The following AKAP7 variants were observed in gnomAD, a reference collection of about 807,000 sequenced individuals.
The protein encoded by AKAP7 is A kinase (PRKA) anchor protein 7.
In AKAP7, 39 loss-of-function variants were observed where a neutral mutation model predicts 39.5. That is an observed-to-expected ratio of 0.99 (90% CI 0.76 to 1.29). The LOEUF is 1.29. Among genes scored for constraint, AKAP7 ranks in the 50% most tolerant of loss-of-function variants. The pLI is 0.00. For missense variants in AKAP7, 414 were observed against 407.7 expected (o/e 1.02, Z -0.13); for synonymous variants, 140 against 139.1 (o/e 1.01, Z -0.05).
chr6:131,273,333 A>G (rs563688039), intron 7 of AKAP7, among the ~76,000 whole-genome samples: 8 of 152,218 alleles, frequency 5.3e-5, no homozygotes, highest in East Asian at 3.9e-4. Flanking sequence ...ACAATTATCA[A>G]TATGGGTGAG....
intron 5 of AKAP7, among the ~76,000 whole-genome samples, chr6:131,190,024 G>A (rs897332923): frequency 5.9e-5 from 9 of 152,146 alleles, no homozygotes; most frequent in African/African-American, 1.7e-4. Context: ...TGACATGTAG[G>A]TTTCATATTA....
intron 7 of AKAP7, among the ~76,000 whole-genome samples, chr6:131,237,919 G>A (rs1811210086): frequency 6.6e-6 from 1 of 152,044 alleles, no homozygotes; most frequent in Admixed American, 6.6e-5. Flanking sequence ...GTTCTGCTCT[G>A]ATCTTAGTTA....
intron 5 of AKAP7, chr6:131,184,400 T>G: frequency 1.5e-6 from 1 of 662,860 alleles, no homozygotes; most frequent in East Asian, 3.5e-5. Flanking sequence ...ACCTCCAACT[T>G]CCTTCAGGGG....
At chr6:131,164,878 C>T (rs1236765736) in intron 3 of AKAP7, among the ~76,000 whole-genome samples, 1 of 152,202 alleles carries the variant, frequency 6.6e-6, no homozygotes, top group African/African-American at 2.4e-5. Flanking sequence ...TGCTTTAAAA[C>T]TTACACATCC....
chr6:131,172,976 C>T (rs888597645), intron 5 of AKAP7, among the ~76,000 whole-genome samples: 4 of 151,908 alleles, frequency 2.6e-5, no homozygotes, highest in African/African-American at 4.8e-5. Context: ...GTGGGCAGAT[C>T]GTGAGGTCAG....
At chr6:131,225,337 C>T (rs1810071093) in intron 7 of AKAP7, among the ~76,000 whole-genome samples, 1 of 152,110 alleles carries the variant, frequency 6.6e-6, no homozygotes, top group Non-Finnish European at 1.5e-5. Context: ...CCTGGTCCCA[C>T]AGGGTACATT....
chr6:131,252,223 T>C (rs2128319990), intron 7 of AKAP7, among the ~76,000 whole-genome samples: 1 of 152,362 alleles, frequency 6.6e-6, no homozygotes, highest in Middle Eastern at 3.4e-3. Context: ...TAATATGTAC[T>C]GCTTTTGGGG....
chr6:131,186,162 T>A (rs1047483972), intron 5 of AKAP7, among the ~76,000 whole-genome samples: 1 of 152,176 alleles, frequency 6.6e-6, no homozygotes, highest in Non-Finnish European at 1.5e-5. Context: ...GGGAGGTGAT[T>A]GGATCATCAT....
At chr6:131,260,449 G>C (rs1013533478) in intron 7 of AKAP7, among the ~76,000 whole-genome samples, 1 of 151,914 alleles carries the variant, frequency 6.6e-6, no homozygotes, top group African/African-American at 2.4e-5. Flanking sequence ...TGTTTCTCCA[G>C]CCTCGCCAGC....
At chr6:131,185,066 G>T in intron 5 of AKAP7, 2 of 706,558 alleles carry the variant, frequency 2.8e-6, no homozygotes, top group Admixed American at 1.8e-5. Context: ...ACTTGCCCAG[G>T]CTGTCATCAT....
rs938120110 is a variant in AKAP7 at position 131,196,702 on chromosome 6, C to T, written c.590-2759C>T. 4.6e-5 allele frequency among the ~76,000 whole-genome samples: 7 copies of T among 152,100 alleles called. 1 individual carries two copies. The East Asian group carries it at 1.4e-3, about 29-fold the overall frequency. On this transcript the variant is annotated intron_variant, in intron 5 of 7. Transcript: ENST00000431975. ...TAGAATTGGCTTAATAGTATTAGCC[C>T]TACCTGTTTTTGGATAAAAAGACCA...
chr6:131,276,926 C>T (rs1321084702), intron 7 of AKAP7, among the ~76,000 whole-genome samples: 1 of 152,094 alleles, frequency 6.6e-6, no homozygotes, highest in Non-Finnish European at 1.5e-5. Flanking sequence ...GGTCAACTCA[C>T]ACTTAAGACC....
At chr6:131,226,000 C>T (rs1170168762) in intron 7 of AKAP7, among the ~76,000 whole-genome samples, 1 of 152,172 alleles carries the variant, frequency 6.6e-6, no homozygotes, top group East Asian at 1.9e-4. Flanking sequence ...TATATTAAAT[C>T]TGGATTTCCA....
Position 131,165,229 on chromosome 6 carries a change from A to G in AKAP7, c.428+12A>G. ...GATGAAGTAAACATGTGAGTAATGTATCTTTCTTAAATATAATTTTCCAAA... is the reference window on the plus strand; with the variant it reads ...GATGAAGTAAACATGTGAGTAATGTGTCTTTCTTAAATATAATTTTCCAAA... On this transcript the variant is annotated intron_variant, in intron 4 of 7. Transcript: ENST00000431975. 3.2e-6 allele frequency: 5 copies of G among 1,581,808 alleles called. No homozygotes were observed. The highest frequency in any genetic ancestry group is 3.5e-4 in the Middle Eastern group (2 of 5,694).
rs1815301111 is a variant in AKAP7 at position 131,282,712 on chromosome 6, A to G, written c.*986A>G. The G allele has an allele frequency of 1.1e-6, 1 of 870,808 alleles. No individual in the cohort carries two copies. The highest frequency in any genetic ancestry group is 1.6e-6 in the Non-Finnish European group (1 of 617,372). 53.9% of individuals were successfully genotyped at this position (870,808 alleles called of 1,614,324 possible). A position where few individuals can be genotyped will look rare whatever the true frequency, so the allele number is the denominator to read the frequency against. ...TTCTGATAGTGTCTGCACAACAGCA[A>G]ACCAACATTTGGTGAGGAATTAGCA... On this transcript the variant is annotated 3_prime_UTR_variant, in exon 8 of 8. Coordinates refer to ENST00000431975, the MANE Select transcript of AKAP7 (RefSeq NM_016377.4).
At chr6:131,146,071 CAT>C (rs1314587919) in intron 2 of AKAP7, among the ~76,000 whole-genome samples, 2 of 152,146 alleles carry the variant, frequency 1.3e-5, no homozygotes, top group African/African-American at 2.4e-5. Flanking sequence ...TTATCTAACA[CAT>C]GTTTACTAGC....
chr6:131,183,642 G>A (rs1457362417), intron 5 of AKAP7, among the ~76,000 whole-genome samples: 4 of 152,110 alleles, frequency 2.6e-5, no homozygotes, highest in Non-Finnish European at 4.4e-5. Flanking sequence ...ACTGGAGCCC[G>A]CCCATGAGAG....
At chr6:131,216,890 T>C (rs1809234995) in intron 6 of AKAP7, among the ~76,000 whole-genome samples, 1 of 152,192 alleles carries the variant, frequency 6.6e-6, no homozygotes, top group Non-Finnish European at 1.5e-5. Context: ...AACTCCAGGG[T>C]TGCAACACCC....
intron 2 of AKAP7, among the ~76,000 whole-genome samples, chr6:131,157,104 A>T (rs946093682): frequency 7.2e-5 from 11 of 152,180 alleles, no homozygotes; most frequent in Non-Finnish European, 1.5e-4. Context: ...TTTAGCAGAT[A>T]CAGATTTATC....
Sources: gnomAD v4.1 joint callset for allele counts (sites outside exome capture counted in the v4.1 genomes callset) on GRCh38, gnomAD v4.1.1 for gene constraint, MANE v1.5 for transcripts, NCBI Gene and HGNC (gene_info 2026-07-23, HGNC 2026-07-21) for gene names.